Variants in PTPRD observed in about 807,000 individuals in gnomAD.
PTPRD encodes the protein receptor-type tyrosine-protein phosphatase delta.
PTPRD carries 34 observed loss-of-function variants against 214.5 expected under a neutral mutation model. The observed-to-expected ratio is 0.16, with a 90% CI of 0.12 to 0.21. The LOEUF (loss-of-function observed/expected upper bound fraction) is 0.21, where lower values mean the gene tolerates loss of function less well. Among genes scored for constraint, PTPRD ranks in the 10% least tolerant of loss-of-function variants. The pLI, the probability that PTPRD is intolerant of heterozygous loss-of-function variation, is 1.00. For missense variants in PTPRD, 2,545 were observed against 2,398.7 expected, an observed-to-expected ratio of 1.06 and a Z score of -1.27; for synonymous variants, 1,128 against 845.7, an observed-to-expected ratio of 1.33 and a Z score of -5.79.
chr9:10,168,894 G>A (rs2099178685), intron 3 of PTPRD, among the ~76,000 whole-genome samples: 2 of 152,046 alleles, frequency 1.3e-5, no homozygotes, highest in African/African-American at 4.8e-5. Context: ...CTAGAAGTAG[G>A]GCAAACAGAA....
intron 9 of PTPRD, among the ~76,000 whole-genome samples, chr9:9,331,308 T>C (rs1225134379): frequency 6.6e-6 from 1 of 152,228 alleles, no homozygotes; most frequent in East Asian, 1.9e-4. Flanking sequence ...CCATTTCCAA[T>C]TTACTAAGTT....
chr9:8,397,250 G>C (rs767976422), intron 36 of PTPRD, among the ~76,000 whole-genome samples: 1 of 152,138 alleles, frequency 6.6e-6, no homozygotes, highest in African/African-American at 2.4e-5. Flanking sequence ...CTGGGAAAGA[G>C]AGGGAGAGAA....
At chr9:9,279,575 T>C (rs1946913965) in intron 9 of PTPRD, among the ~76,000 whole-genome samples, 2 of 150,596 alleles carry the variant, frequency 1.3e-5, no homozygotes, top group South Asian at 4.2e-4. Context: ...AGTATTTCTA[T>C]TGCAGACAAT....
At chr9:10,210,654 C>T (rs2099511363) in intron 3 of PTPRD, among the ~76,000 whole-genome samples, 1 of 149,672 alleles carries the variant, frequency 6.7e-6, no homozygotes, top group South Asian at 2.1e-4. Flanking sequence ...TATATATACA[C>T]ACATATGTTT....
chr9:8,634,092 T>C (rs1377034627), intron 13 of PTPRD, among the ~76,000 whole-genome samples: 2 of 152,026 alleles, frequency 1.3e-5, no homozygotes, highest in African/African-American at 2.4e-5. Flanking sequence ...TAGAGCATTC[T>C]TGCTGTAAAA....
At chr9:10,364,168 T>C (rs1259831064) in intron 2 of PTPRD, among the ~76,000 whole-genome samples, 2 of 151,328 alleles carry the variant, frequency 1.3e-5, no homozygotes, top group African/African-American at 4.9e-5. Context: ...CCCGGATAAT[T>C]TTTTTTGTAT....
intron 2 of PTPRD, among the ~76,000 whole-genome samples, chr9:10,407,143 C>CAT (rs1565836468): frequency 1.2e-4 from 18 of 151,238 alleles, no homozygotes; most frequent in Non-Finnish European, 1.9e-4. Flanking sequence ...GGCAGACATG[C>CAT]AGATAAGTGG....
intron 11 of PTPRD, among the ~76,000 whole-genome samples, chr9:8,928,077 A>C (rs2154277740): frequency 6.6e-6 from 1 of 152,142 alleles, no homozygotes; most frequent in Admixed American, 6.6e-5. Context: ...AATTTGTTAA[A>C]ATTATTTGCA....
chr9:8,672,175 C>G (rs529067936), intron 12 of PTPRD, among the ~76,000 whole-genome samples: 56 of 152,248 alleles, frequency 3.7e-4, no homozygotes, highest in Non-Finnish European at 6.0e-4. Context: ...TTTGATGTAA[C>G]CTTCTTGGTT....
chr9:8,748,914 A>G (rs1251351109), intron 11 of PTPRD, among the ~76,000 whole-genome samples: 1 of 152,198 alleles, frequency 6.6e-6, no homozygotes, highest in Non-Finnish European at 1.5e-5. Context: ...CCATCATAAA[A>G]AAAGAAAATT....
intron 2 of PTPRD, among the ~76,000 whole-genome samples, chr9:10,362,604 C>T (rs1422521946): frequency 2.0e-5 from 3 of 151,996 alleles, no homozygotes; most frequent in Admixed American, 6.5e-5. Flanking sequence ...TTTGTCAGCC[C>T]GGCGTGGTGG....
intron 9 of PTPRD, among the ~76,000 whole-genome samples, chr9:9,203,051 T>G (rs889088863): frequency 6.6e-6 from 1 of 152,192 alleles, no homozygotes; most frequent in Non-Finnish European, 1.5e-5. Flanking sequence ...ATTTGCCATG[T>G]CAATCTAGAA....
chr9:9,806,280 A>G (rs2099072577), intron 5 of PTPRD, among the ~76,000 whole-genome samples: 1 of 152,048 alleles, frequency 6.6e-6, no homozygotes, highest in Admixed American at 6.6e-5. Context: ...GTGCCAAAAA[A>G]AAAGGCAGTC....
intron 3 of PTPRD, among the ~76,000 whole-genome samples, chr9:10,145,827 G>GA (rs1224826883): frequency 6.6e-6 from 1 of 151,932 alleles, no homozygotes; most frequent in Non-Finnish European, 1.5e-5. Flanking sequence ...TATGATGGTA[G>GA]AAAATCTGGA....
intron 7 of PTPRD, among the ~76,000 whole-genome samples, chr9:9,716,894 C>T (rs2097845613): frequency 1.3e-5 from 2 of 152,128 alleles, no homozygotes; most frequent in East Asian, 1.9e-4. Context: ...GTTGCCATTG[C>T]TTTTGGTGTT....
rs1158691187 is a variant in PTPRD, at chr9:8,316,394, C to T, written c.*1480G>A. 4 of 231,398 alleles carry T rather than the reference C, an allele frequency of 1.7e-5. No individual in the cohort carries two copies. Among genetic ancestry groups the T allele is most frequent in the Non-Finnish European group, 2.6e-5 (3 of 116,776 alleles). The allele number at this position is 231,398 out of a possible 1,614,324, so 14.3% of individuals were successfully genotyped here. A position where few individuals can be genotyped will look rare whatever the true frequency, so the allele number is the denominator to read the frequency against. On this transcript the variant is annotated 3_prime_UTR_variant, in exon 46 of 46. Transcript: ENST00000381196. ...AAACGAAACAAAGTACAGCACTTCC[C>T]AGGAATGCTGTATGCCACAAAATGT...
chr9:9,813,646 A>G (rs550514540), intron 5 of PTPRD, among the ~76,000 whole-genome samples: 1 of 152,198 alleles, frequency 6.6e-6, no homozygotes, highest in East Asian at 1.9e-4. Context: ...CCAAAAAGAA[A>G]AGTCTGGGGC....
chr9:9,934,529 G>A (rs1399495002), intron 5 of PTPRD, among the ~76,000 whole-genome samples: 2 of 150,906 alleles, frequency 1.3e-5, no homozygotes, highest in African/African-American at 2.5e-5. Flanking sequence ...AAACCAGGAA[G>A]AAGTTGAATC....
chr9:8,771,159 C>A (rs548054209), intron 11 of PTPRD, among the ~76,000 whole-genome samples: 81 of 135,808 alleles, frequency 6.0e-4, no homozygotes, highest in African/African-American at 2.3e-3. Context: ...CCAGCCTGGG[C>A]GACAGAGCAA....
Sources: gnomAD v4.1 joint callset for allele counts (sites outside exome capture counted in the v4.1 genomes callset) on GRCh38, gnomAD v4.1.1 for gene constraint, MANE v1.5 for transcripts, NCBI Gene and HGNC (gene_info 2026-07-23, HGNC 2026-07-21) for gene names.